Variants in ANKRD28 observed in about 807,000 individuals in gnomAD.
The protein encoded by ANKRD28 is ankyrin repeat domain 28, also known as serine/threonine-protein phosphatase 6 regulatory ankyrin repeat subunit A.
A neutral mutation model predicts 126.5 loss-of-function variants in ANKRD28; 44 were observed. That is an observed-to-expected ratio of 0.35 (90% CI 0.27 to 0.45). The LOEUF is 0.45. ANKRD28 is among the 20% of genes least tolerant of loss of function. The probability of loss-of-function intolerance (pLI) is 1.00; values close to 1 mark genes in which losing one functional copy is unlikely to be tolerated. For synonymous variants in ANKRD28, 442 were observed against 468.5 expected, an observed-to-expected ratio of 0.94 and a Z score of 0.73; for missense variants, 1,110 against 1,316.6, an observed-to-expected ratio of 0.84 and a Z score of 2.43.
chr3:15,806,046 C>G (rs575959423), intron 1 of ANKRD28, among the ~76,000 whole-genome samples: 1 of 152,124 alleles, frequency 6.6e-6, no homozygotes, highest in Non-Finnish European at 1.5e-5. Context: ...CAAGTAATGA[C>G]TCAGAGAGTT....
At chr3:15,763,530 T>C (rs976334410) in intron 3 of ANKRD28, among the ~76,000 whole-genome samples, 2 of 152,118 alleles carry the variant, frequency 1.3e-5, no homozygotes, top group Admixed American at 1.3e-4. Flanking sequence ...CAGGTAACAA[T>C]AAACACTAGG....
At chr3:15,695,558 T>C (rs2069414378) in intron 15 of ANKRD28, among the ~76,000 whole-genome samples, 1 of 152,196 alleles carries the variant, frequency 6.6e-6, no homozygotes, top group African/African-American at 2.4e-5. Context: ...ATGTAATTTA[T>C]AAGGTAAGTC....
chr3:15,837,299 GACC>G (rs888293845), intron 1 of ANKRD28, among the ~76,000 whole-genome samples: 5 of 152,136 alleles, frequency 3.3e-5, no homozygotes, highest in African/African-American at 1.2e-4. Context: ...CTATAAATTT[GACC>G]TAACTGACAT....
rs1357402514 is a variant in ANKRD28 at position 15,749,095 on chromosome 3, G to GTTTTTTT, written c.351+2654_351+2655insAAAAAAA. On this transcript the variant is annotated intron_variant, in intron 4 of 27. Transcript: ENST00000683139. ...ATTTTCCTTTCATATTCTATATTAT[G>GTTTTTTT]TTTTTGTTTTTTTTTTTTTTTTTTT... Among the ~76,000 whole-genome samples the GTTTTTTT allele has an allele frequency of 6.1e-4, 65 of 106,982 alleles. 20 individuals are homozygous for GTTTTTTT. The highest frequency in any genetic ancestry group is 3.0e-3 in the East Asian group (9 of 3,032). The allele number at this position is 106,982 out of a possible 152,430, so 70.2% of individuals were successfully genotyped here.
chr3:15,803,159 G>C (rs2060498658), intron 1 of ANKRD28, among the ~76,000 whole-genome samples: 1 of 152,144 alleles, frequency 6.6e-6, no homozygotes, highest in South Asian at 2.1e-4. Context: ...AATTAAGGAA[G>C]TCATGATTTG....
intron 14 of ANKRD28, among the ~76,000 whole-genome samples, chr3:15,706,719 G>A (rs2071484889): frequency 6.6e-6 from 1 of 152,108 alleles, no homozygotes; most frequent in South Asian, 2.1e-4. Flanking sequence ...GTATAAAAGT[G>A]TTCCTATTTC....
At chr3:15,706,034 C>A (rs905212202) in intron 14 of ANKRD28, among the ~76,000 whole-genome samples, 1 of 130,282 alleles carries the variant, frequency 7.7e-6, no homozygotes, top group Non-Finnish European at 1.6e-5. Flanking sequence ...ACAAAAAAAC[C>A]CACAAAAACA....
In ANKRD28 at chr3:15,797,213, A is replaced by C. The variant is rs12107446; in HGVS notation, c.-692T>G. On this transcript the variant is annotated 5_prime_UTR_variant, in exon 1 of 28. Transcript: ENST00000683139. The stretch of plus-strand genomic sequence containing the variant: ...GAAAGGGGCAAAAAACAAAAACAAA[A>C]AAAAAAAAACCACTCTGCATTAATA... The C allele has an allele frequency of 1.4e-3, 1,367 of 984,132 alleles. 19 individuals carry two copies. In the African/African-American group the frequency reaches 0.021, roughly 15 times the overall value. 61.0% of individuals were successfully genotyped at this position (984,132 alleles called of 1,614,324 possible).
intron 2 of ANKRD28, among the ~76,000 whole-genome samples, chr3:15,788,915 A>C (rs1575685556): frequency 6.6e-6 from 1 of 152,284 alleles, no homozygotes; most frequent in East Asian, 1.9e-4. Flanking sequence ...CCCAAAAAAA[A>C]AGAAGAGTGA....
upstream of ANKRD28, among the ~76,000 whole-genome samples, chr3:15,798,647 A>G (rs1412233154): frequency 6.7e-6 from 1 of 149,648 alleles, no homozygotes; most frequent in Admixed American, 6.6e-5. Context: ...GAGGTACATG[A>G]AAAAAAAAAT....
chr3:15,831,417 C>T (rs2061187603), intron 1 of ANKRD28, among the ~76,000 whole-genome samples: 1 of 152,178 alleles, frequency 6.6e-6, no homozygotes, highest in South Asian at 2.1e-4. Context: ...GGATTCTCAC[C>T]AAATGATTCT....
intron 27 of ANKRD28, among the ~76,000 whole-genome samples, chr3:15,671,434 A>C (rs749080444): frequency 5.3e-5 from 8 of 152,180 alleles, no homozygotes; most frequent in Admixed American, 2.0e-4. Flanking sequence ...ACAGATTAAG[A>C]AAGAGAACAT....
intron 4 of ANKRD28, among the ~76,000 whole-genome samples, chr3:15,739,428 C>T (rs1485235075): frequency 6.6e-6 from 1 of 152,146 alleles, no homozygotes; most frequent in African/African-American, 2.4e-5. Flanking sequence ...CCCTGACTTC[C>T]CGCAACAGTA....
chr3:15,756,045 G>A (rs1430949825), intron 3 of ANKRD28, among the ~76,000 whole-genome samples: 2 of 152,210 alleles, frequency 1.3e-5, no homozygotes, highest in Non-Finnish European at 1.5e-5. Context: ...AAATGGTTAT[G>A]TCCAACTGTA....
intron 18 of ANKRD28, among the ~76,000 whole-genome samples, chr3:15,689,423 T>C: frequency 6.6e-6 from 1 of 152,166 alleles, no homozygotes; most frequent in East Asian, 1.9e-4. Flanking sequence ...ATGAATCCAC[T>C]GCCACTGCCC....
chr3:15,766,803 T>C lies in ANKRD28; in HGVS notation c.202-491A>G, dbSNP rs535935934. Among the ~76,000 whole-genome samples, 3 of 152,292 alleles carry C rather than the reference T, an allele frequency of 2.0e-5. No homozygotes were observed. The East Asian group carries it at 5.8e-4, about 29-fold the overall frequency. On this transcript the variant is annotated intron_variant, in intron 2 of 27. Coordinates refer to ENST00000683139, the MANE Select transcript of ANKRD28 (RefSeq NM_001349278.2). ...AAAGAATAAAAATAAAAATCTAAAA[T>C]GACAAAGAAATAGCAACACTTTCTT...
At chr3:15,725,014 A>T (rs1443461158) in intron 6 of ANKRD28, among the ~76,000 whole-genome samples, 1 of 152,120 alleles carries the variant, frequency 6.6e-6, no homozygotes, top group Non-Finnish European at 1.5e-5. Flanking sequence ...AGAATTCAGG[A>T]TAATTTTGGT....
In ANKRD28 at chr3:15,838,467, G is replaced by A. The variant is rs764784370; in HGVS notation, c.27+20910C>T. 2.6e-5 allele frequency among the ~76,000 whole-genome samples: 4 copies of A among 152,158 alleles called. No homozygotes were observed. The highest frequency in any genetic ancestry group is 5.9e-5 in the Non-Finnish European group (4 of 68,030). Reference sequence around the variant, plus strand: ...TCAAGAATCTTTGTGGCCAGGCATGGTGGGCTCACACCTATAATCCCAGCA... The same window carrying A: ...TCAAGAATCTTTGTGGCCAGGCATGATGGGCTCACACCTATAATCCCAGCA... On this transcript the variant is annotated intron_variant, in intron 1 of 27. Coordinates refer to the ANKRD28 transcript ENST00000399451. This position sits in a 1 kb window ranked among gnomAD's most constrained non-coding sequence, Gnocchi z 4.0.
intron 23 of ANKRD28, 111 bp downstream of exon 23, chr3:15,679,190 A>G: frequency 4.0e-6 from 4 of 1,011,798 alleles, no homozygotes; most frequent in South Asian, 1.4e-5. Context: ...GGCTGGTCTT[A>G]AACTCCTGGC....
Sources: allele counts gnomAD v4.1 joint callset (sites outside exome capture counted in the v4.1 genomes callset), GRCh38; gene constraint gnomAD v4.1.1; non-coding constraint Gnocchi (gnomAD v3.1); transcripts MANE v1.5; gene names NCBI Gene and HGNC (gene_info 2026-07-23, HGNC 2026-07-21).